GRIK1: variants seen among roughly 807,000 people sequenced by gnomAD.
GRIK1 encodes the protein glutamate ionotropic receptor kainate type subunit 1.
Under a neutral mutation model 105.7 loss-of-function variants are expected in GRIK1, and 69 were observed. That is an observed-to-expected ratio of 0.65 (90% confidence interval 0.54 to 0.80). The LOEUF (loss-of-function observed/expected upper bound fraction) is 0.80. Among genes scored for constraint, GRIK1 ranks in the 30% least tolerant of loss-of-function variants. GRIK1 has a pLI of 0.00. For missense variants in GRIK1, 1,109 were observed against 1,167.3 expected (o/e 0.95, Z 0.73); for synonymous variants, 438 against 431.3 (o/e 1.02, Z -0.19).
intron 1 of GRIK1, among the ~76,000 whole-genome samples, chr21:29,859,598 C>T (rs2068575533): frequency 6.6e-6 from 1 of 152,168 alleles, no homozygotes; most frequent in Non-Finnish European, 1.5e-5. Context: ...TGCAAGGCTT[C>T]TTTCAAGTCC....
chr21:29,621,290 G>C (rs2061995927), intron 7 of GRIK1, among the ~76,000 whole-genome samples: 1 of 152,072 alleles, frequency 6.6e-6, no homozygotes, highest in East Asian at 1.9e-4. Flanking sequence ...ATAGGAACTG[G>C]TAGGAATTTT....
At chr21:29,915,116 T>C (rs554980419) in intron 1 of GRIK1, among the ~76,000 whole-genome samples, 4 of 152,062 alleles carry the variant, frequency 2.6e-5, no homozygotes, top group Middle Eastern at 3.2e-3. Flanking sequence ...AAATTCTTCA[T>C]GTATATGTGC....
chr21:29,606,321 G>A (rs2061614983), intron 7 of GRIK1, among the ~76,000 whole-genome samples: 3 of 152,042 alleles, frequency 2.0e-5, no homozygotes, highest in African/African-American at 4.8e-5. Context: ...TGCATGCGCA[G>A]GATATGCCGG....
intron 1 of GRIK1, among the ~76,000 whole-genome samples, chr21:29,856,599 G>C (rs2068471872): frequency 6.6e-6 from 1 of 152,186 alleles, no homozygotes; most frequent in South Asian, 2.1e-4. Context: ...ACCAGACACT[G>C]TCTAAGCACC....
chr21:29,652,037 C>T (rs2062749629), intron 5 of GRIK1, among the ~76,000 whole-genome samples: 1 of 152,082 alleles, frequency 6.6e-6, no homozygotes, highest in African/African-American at 2.4e-5. Flanking sequence ...AGGAATTTGG[C>T]TGCTGATAAT....
chr21:29,811,784 G>C (rs1204374581), intron 1 of GRIK1, among the ~76,000 whole-genome samples: 1 of 152,130 alleles, frequency 6.6e-6, no homozygotes, highest in Non-Finnish European at 1.5e-5. Context: ...CTTCATTATA[G>C]TCTAGATGCC....
At chr21:29,868,185 A>G (rs2068892369) in intron 1 of GRIK1, among the ~76,000 whole-genome samples, 1 of 152,228 alleles carries the variant, frequency 6.6e-6, no homozygotes, top group South Asian at 2.1e-4. Flanking sequence ...AAAGCATTGT[A>G]TAGCTTCCAG....
chr21:29,705,750 T>C (rs2252066), intron 1 of GRIK1, among the ~76,000 whole-genome samples: 43,081 of 152,150 alleles, frequency 0.28, 9,975 homozygotes, highest in African/African-American at 0.63. Flanking sequence ...TGTATGTCTA[T>C]GAAAAACAGC....
intron 1 of GRIK1, among the ~76,000 whole-genome samples, chr21:29,804,092 T>G (rs561508802): frequency 6.6e-6 from 1 of 152,226 alleles, no homozygotes; most frequent in South Asian, 2.1e-4. Flanking sequence ...GACCCCATCG[T>G]TTCAGTTATT....
intron 1 of GRIK1, among the ~76,000 whole-genome samples, chr21:29,852,458 A>T (rs2068338219): frequency 6.6e-6 from 1 of 152,186 alleles, no homozygotes; most frequent in African/African-American, 2.4e-5. Context: ...ACTTCCAGCT[A>T]AACTTCAATG....
chr21:29,640,015 G>A (rs116536533), intron 7 of GRIK1, among the ~76,000 whole-genome samples: 144 of 152,068 alleles, frequency 9.5e-4, no homozygotes, highest in African/African-American at 3.3e-3. Context: ...AGAAATTACC[G>A]CACATGCAAC....
chr21:29,760,640 G>C (rs1264323137), intron 1 of GRIK1, among the ~76,000 whole-genome samples: 1 of 152,222 alleles, frequency 6.6e-6, no homozygotes, highest in African/African-American at 2.4e-5. Flanking sequence ...TTAATTCTCT[G>C]TAACAGCTTT....
At chr21:29,617,664 A>G (rs931236206) in intron 7 of GRIK1, among the ~76,000 whole-genome samples, 7 of 152,216 alleles carry the variant, frequency 4.6e-5, no homozygotes, top group African/African-American at 1.4e-4. Flanking sequence ...TCATTAGCAT[A>G]GGGAATAGAG....
intron 1 of GRIK1, among the ~76,000 whole-genome samples, chr21:29,827,899 G>A (rs2067505585): frequency 6.6e-6 from 1 of 151,922 alleles, no homozygotes; most frequent in Admixed American, 6.6e-5. Flanking sequence ...TTATTTAGCT[G>A]ATGGGTCAGT....
intron 16 of GRIK1, among the ~76,000 whole-genome samples, chr21:29,548,508 C>T (rs1352307095): frequency 6.6e-6 from 1 of 152,076 alleles, no homozygotes; most frequent in African/African-American, 2.4e-5. Flanking sequence ...TTATTATCTA[C>T]AAGAGTTAAT....
chr21:29,588,996 C>G lies in GRIK1; in HGVS notation c.1412G>C (p.Gly471Ala). 6.2e-7 allele frequency: 1 copy of G among 1,604,734 alleles called. No homozygotes were observed. The highest frequency in any genetic ancestry group is 8.5e-7 in the Non-Finnish European group (1 of 1,171,458). Residue 471 changes from glycine to alanine, a missense_variant, in exon 11 of 18, where the codon GGA (glycine) becomes GCA (alanine). Around this residue, in one of 5 missense-constraint regions of GRIK1, gnomAD observed 612 missense variants for 586.0 expected, o/e 1.04. Coordinates refer to ENST00000327783, the MANE Select transcript of GRIK1 (RefSeq NM_001330994.2). ...MYRKSDKPLY[G>A]NDRFEGYCLD... ...GCAATATCCTTCAAATCTGTCATTT[C>G]CATATAGAGGCTTATCAGATTTCCT...
chr21:29,846,423 A>G (rs2068115045), intron 1 of GRIK1, among the ~76,000 whole-genome samples: 1 of 145,474 alleles, frequency 6.9e-6, no homozygotes, highest in Non-Finnish European at 1.5e-5. Flanking sequence ...GAAAGAAAGA[A>G]AAAAATAAAG....
At chr21:29,774,527 C>T (rs923172294) in intron 1 of GRIK1, among the ~76,000 whole-genome samples, 3 of 146,526 alleles carry the variant, frequency 2.0e-5, no homozygotes, top group African/African-American at 7.5e-5. Context: ...TCTCGGCTCA[C>T]TGCAACCTCC....
At position 29,634,804 on chromosome 21, in the gene GRIK1, A is replaced by G. The variant is rs958792558; in HGVS notation, c.1098+8022T>C. ...CAGGCAGGCTGAAAGGTATATGACA[A>G]AAAGGGTGTTATTAGGCAGGTTTAG... On this transcript the variant is annotated intron_variant, in intron 7 of 17. Transcript: ENST00000327783. Among the ~76,000 whole-genome samples, 7 of 152,196 alleles carry G rather than the reference A, an allele frequency of 4.6e-5. No homozygotes were observed. In the East Asian group the frequency reaches 1.3e-3, roughly 29 times the overall value.
Sources: allele counts gnomAD v4.1 joint callset (sites outside exome capture counted in the v4.1 genomes callset), GRCh38; gene constraint gnomAD v4.1.1; regional missense constraint gnomAD v4.1.1; transcripts MANE v1.5; gene names NCBI Gene and HGNC (gene_info 2026-07-23, HGNC 2026-07-21).